The following RBPMS variants were observed in gnomAD, a reference collection of about 807,000 sequenced individuals.
RBPMS encodes RNA-binding protein with multiple splicing.
RBPMS carries 7 observed loss-of-function variants against 26.8 expected under a neutral mutation model. The observed-to-expected ratio is 0.26, with a 90% confidence interval of 0.15 to 0.49. The LOEUF (loss-of-function observed/expected upper bound fraction) is 0.49. Ranked by LOEUF, RBPMS falls within the 20% of genes least tolerant of loss-of-function variation. The pLI, the probability that RBPMS is intolerant of heterozygous loss-of-function variation, is 0.98. For synonymous variants in RBPMS, 96 were observed against 93.3 expected (o/e 1.03, Z -0.17); for missense variants, 186 against 250.0 (o/e 0.74, Z 1.73).
chr8:30,516,340 G>A (rs529829730), intron 5 of RBPMS, among the ~76,000 whole-genome samples: 4 of 152,298 alleles, frequency 2.6e-5, no homozygotes, highest in South Asian at 2.1e-4. Context: ...AGCTGAGATC[G>A]TGCCACTGTA....
At chr8:30,558,607 A>G (rs1280309304) in intron 6 of RBPMS, 1 of 538,920 alleles carries the variant, frequency 1.9e-6, no homozygotes. Flanking sequence ...CTAACCTTTA[A>G]AAGGAGGATG....
intron 5 of RBPMS, among the ~76,000 whole-genome samples, chr8:30,510,227 C>G (rs192181592): frequency 4.5e-4 from 68 of 152,266 alleles, no homozygotes; most frequent in Non-Finnish European, 7.9e-4. Flanking sequence ...TCTCTTAACT[C>G]TGATGTCTCG....
intron 6 of RBPMS, chr8:30,544,925 G>T (rs1197997159): frequency 6.8e-7 from 1 of 1,477,492 alleles, no homozygotes; most frequent in Non-Finnish European, 9.0e-7. Context: ...CTCCCAGCTA[G>T]CTAGAGGGCA....
At chr8:30,502,829 A>G (rs1275778449) in intron 4 of RBPMS, among the ~76,000 whole-genome samples, 1 of 152,114 alleles carries the variant, frequency 6.6e-6, no homozygotes, top group East Asian at 1.9e-4. Context: ...TTCCTTATAT[A>G]CTTTTTCTTC....
At chr8:30,444,321 A>AGC (rs780961473) in intron 1 of RBPMS, among the ~76,000 whole-genome samples, 77 of 152,232 alleles carry the variant, frequency 5.1e-4, no homozygotes, top group Non-Finnish European at 8.4e-4. Context: ...TAATACACTA[A>AGC]GCGGGATAAA....
At chr8:30,440,819 G>GT (rs1326841639) in intron 1 of RBPMS, among the ~76,000 whole-genome samples, 1 of 148,860 alleles carries the variant, frequency 6.7e-6, no homozygotes, top group Non-Finnish European at 1.5e-5. Flanking sequence ...TAAGAGATAG[G>GT]TTTTCACTAT....
chr8:30,389,714 A>G (rs1807558128), intron 1 of RBPMS, among the ~76,000 whole-genome samples: 1 of 152,244 alleles, frequency 6.6e-6, no homozygotes, highest in African/African-American at 2.4e-5. Context: ...TAACTAAATC[A>G]TTGTATAATT....
At chr8:30,508,123 C>CT (rs921344821) in intron 5 of RBPMS, among the ~76,000 whole-genome samples, 1 of 152,096 alleles carries the variant, frequency 6.6e-6, no homozygotes, top group African/African-American at 2.4e-5. Flanking sequence ...ATTATGACTG[C>CT]TATCCATATA....
At chr8:30,448,358 A>AG (rs1310411364) in intron 1 of RBPMS, among the ~76,000 whole-genome samples, 2 of 152,188 alleles carry the variant, frequency 1.3e-5, no homozygotes, top group Non-Finnish European at 2.9e-5. Context: ...AGATGTTTGC[A>AG]GGGCAGATGC....
chr8:30,452,325 T>C (rs1814682107), intron 1 of RBPMS, among the ~76,000 whole-genome samples: 1 of 152,190 alleles, frequency 6.6e-6, no homozygotes, highest in Non-Finnish European at 1.5e-5. Context: ...GAGATGATTG[T>C]ACCCAGTGTT....
chr8:30,506,226 C>G (rs1821058432), intron 5 of RBPMS, among the ~76,000 whole-genome samples: 2 of 151,730 alleles, frequency 1.3e-5, no homozygotes, highest in Admixed American at 1.3e-4. Context: ...TTCTGGCAAG[C>G]TCTGCTCACC....
intron 5 of RBPMS, among the ~76,000 whole-genome samples, chr8:30,524,480 C>T (rs1019824863): frequency 2.6e-5 from 4 of 152,104 alleles, no homozygotes; most frequent in Admixed American, 2.6e-4. Context: ...GTACAATACT[C>T]AGGTCTATAT....
At chr8:30,492,309 T>C (rs1819484369) in intron 4 of RBPMS, among the ~76,000 whole-genome samples, 1 of 152,210 alleles carries the variant, frequency 6.6e-6, no homozygotes, top group Non-Finnish European at 1.5e-5. Context: ...CATTGTCTCA[T>C]TTTGCCTGAT....
At chr8:30,441,216 TG>T (rs1813038691) in intron 1 of RBPMS, among the ~76,000 whole-genome samples, 1 of 152,206 alleles carries the variant, frequency 6.6e-6, no homozygotes, top group Admixed American at 6.5e-5. Flanking sequence ...ATGTGAGATT[TG>T]TGTGCGATCT....
chr8:30,529,714 A>T (rs1823998499), intron 5 of RBPMS, among the ~76,000 whole-genome samples: 1 of 150,622 alleles, frequency 6.6e-6, no homozygotes, highest in Admixed American at 6.6e-5. Flanking sequence ...AATGTCATCA[A>T]GGTTCATCCA....
At chr8:30,495,157 A>G (rs1465747494) in intron 4 of RBPMS, among the ~76,000 whole-genome samples, 1 of 152,188 alleles carries the variant, frequency 6.6e-6, no homozygotes, top group East Asian at 1.9e-4. Flanking sequence ...AATCAAAGAT[A>G]AACCTGTGGA....
chr8:30,421,645 TACAC>T (rs1810804262), intron 1 of RBPMS, among the ~76,000 whole-genome samples: 1 of 152,168 alleles, frequency 6.6e-6, no homozygotes, highest in Non-Finnish European at 1.5e-5. Flanking sequence ...TGGAAAGTAT[TACAC>T]ACAAGGTTAA....
intron 5 of RBPMS, among the ~76,000 whole-genome samples, chr8:30,524,642 A>C (rs192614645): frequency 2.0e-4 from 31 of 152,320 alleles, no homozygotes; most frequent in Non-Finnish European, 3.8e-4. Flanking sequence ...GGAACTAAGC[A>C]GTTAACATAG....
At chr8:30,431,858 C>T (rs1481125194) in intron 1 of RBPMS, among the ~76,000 whole-genome samples, 2 of 152,070 alleles carry the variant, frequency 1.3e-5, no homozygotes, top group East Asian at 3.9e-4. Flanking sequence ...TTGTGGCTCA[C>T]ACCTATAATC....
Sources: gnomAD v4.1 joint callset for allele counts (sites outside exome capture counted in the v4.1 genomes callset) on GRCh38, gnomAD v4.1.1 for gene constraint, MANE v1.5 for transcripts, NCBI Gene and HGNC (gene_info 2026-07-23, HGNC 2026-07-21) for gene names.